The following TECR variants were observed in gnomAD, a reference collection of about 807,000 sequenced individuals.
TECR encodes trans-2,3-enoyl-CoA reductase.
TECR carries 19 observed loss-of-function variants against 50.6 expected under a neutral mutation model. The observed-to-expected ratio is 0.38, with a 90% CI of 0.26 to 0.55. The LOEUF (loss-of-function observed/expected upper bound fraction) is 0.55, where lower values mean the gene tolerates loss of function less well. TECR is among the 20% of genes least tolerant of loss of function. The pLI, the probability that TECR is intolerant of heterozygous loss-of-function variation, is 0.79. For synonymous variants in TECR, 168 were observed against 163.5 expected, an observed-to-expected ratio of 1.03 and a Z score of -0.21; for missense variants, 313 against 408.3, an observed-to-expected ratio of 0.77 and a Z score of 2.01.
chr19:14,555,287 G>A (rs1174268613), intron 1 of TECR, among the ~76,000 whole-genome samples: 2 of 148,904 alleles, frequency 1.3e-5, no homozygotes, highest in East Asian at 4.1e-4. Context: ...CTTGCTCTGT[G>A]GCCCAGGCTG....
chr19:14,535,077 G>C lies in TECR; in HGVS notation c.15+5366G>C, dbSNP rs552227271. Among the ~76,000 whole-genome samples, 3 of 152,232 alleles carry C rather than the reference G, an allele frequency of 2.0e-5. No individual in the cohort carries two copies. The South Asian group carries it at 6.2e-4, about 32-fold the overall frequency. Reference sequence around the variant, plus strand: ...CCCCTTGCAGTAAGGGCAGGATTGAGAGTGATGAGCCTTGCCTGGGTGCAG... The same window carrying C: ...CCCCTTGCAGTAAGGGCAGGATTGACAGTGATGAGCCTTGCCTGGGTGCAG... On this transcript the variant is annotated intron_variant, in intron 1 of 12. Transcript: ENST00000215567.
chr19:14,563,981 G>C lies in TECR; in HGVS notation c.268-1G>C. ...CTCATCTTGCCCCCCTCTACTCTCA[G>C]GTCTTCCTAACAGAGTACGCGGGGC... is the stretch of plus-strand genomic sequence containing the variant. On this transcript the variant is annotated splice_acceptor_variant, in intron 5 of 12. Coordinates refer to ENST00000215567, the MANE Select transcript of TECR (RefSeq NM_138501.6). LOFTEE classifies it high-confidence loss of function. This position sits in a 1 kb window ranked among gnomAD's most constrained non-coding sequence, Gnocchi z 5.3. 1 of 1,614,008 alleles carries C rather than the reference G, an allele frequency of 6.2e-7. No homozygotes were observed. Among genetic ancestry groups the C allele is most frequent in the South Asian group, 1.1e-5 (1 of 91,086 alleles).
rs959803672 is a variant in TECR at position 14,565,776 on chromosome 19, A to G, written c.832A>G (p.Met278Val). Residue 278 changes from methionine to valine, a missense_variant, in exon 13 of 13, where the codon ATG becomes GTG. Met to Val is a conservative substitution (Grantham distance 21, BLOSUM62 1). Transcript: ENST00000215567. ...ALFSLVGFTQ[M>V]TIWAKGKHRS... ...GTTCTCCCTGGTGGGCTTCACCCAG[A>G]TGACCATCTGGGCCAAGGGCAAGCA... 3 of 1,610,938 alleles carry G rather than the reference A, an allele frequency of 1.9e-6. No individual in the cohort carries two copies. Among genetic ancestry groups the G allele is most frequent in the Non-Finnish European group, 2.5e-6 (3 of 1,179,272 alleles).
chr19:14,543,425 T>A (rs1269342428), intron 1 of TECR, among the ~76,000 whole-genome samples: 442 of 7,878 alleles, frequency 0.056, 8 homozygotes, highest in Non-Finnish European at 0.068. Flanking sequence ...ATATATTTTT[T>A]TTTTTTTTTT....
intron 1 of TECR, among the ~76,000 whole-genome samples, chr19:14,533,493 C>T (rs911500329): frequency 1.3e-5 from 2 of 152,056 alleles, no homozygotes; most frequent in East Asian, 3.9e-4. Flanking sequence ...AGTCTGTTGT[C>T]CACTGAAAGG....
chr19:14,540,174 C>T (rs1018859583), intron 1 of TECR, among the ~76,000 whole-genome samples: 1 of 152,068 alleles, frequency 6.6e-6, no homozygotes, highest in Non-Finnish European at 1.5e-5. Context: ...ATTCTCCTGC[C>T]TCAGCCTCCC....
chr19:14,561,046 G>C (rs1320925456), intron 1 of TECR, among the ~76,000 whole-genome samples: 3 of 152,168 alleles, frequency 2.0e-5, no homozygotes, highest in Admixed American at 1.3e-4. Context: ...CGGTTCCCGA[G>C]TGCAGGCCAC....
chr19:14,541,372 C>T (rs1421658961), intron 1 of TECR, among the ~76,000 whole-genome samples: 5 of 152,126 alleles, frequency 3.3e-5, no homozygotes, highest in Non-Finnish European at 1.5e-5. Context: ...CCTGGCACAG[C>T]GGCCCTTCTG....
intron 1 of TECR, among the ~76,000 whole-genome samples, chr19:14,560,115 C>G (rs544541779): frequency 6.6e-6 from 1 of 152,316 alleles, no homozygotes; most frequent in South Asian, 2.1e-4. Context: ...TGGCCCCTCT[C>G]TCGCTACCCC....
At chr19:14,528,638 C>T (rs534641155), upstream of TECR, among the ~76,000 whole-genome samples, 415 of 152,046 alleles carry the variant, frequency 2.7e-3, 2 homozygotes, top group African/African-American at 8.2e-3. Flanking sequence ...GTCCATAGGG[C>T]GGAGCAAAGT....
chr19:14,542,759 C>T (rs149912708), intron 1 of TECR, among the ~76,000 whole-genome samples: 31 of 152,150 alleles, frequency 2.0e-4, no homozygotes, highest in Non-Finnish European at 3.5e-4. Flanking sequence ...AGCAGAGCGA[C>T]TCACCCCAGT....
intron 1 of TECR, among the ~76,000 whole-genome samples, chr19:14,544,215 C>T (rs1166596511): frequency 6.6e-6 from 1 of 151,806 alleles, no homozygotes; most frequent in Non-Finnish European, 1.5e-5. Flanking sequence ...CTCACCCAGG[C>T]CACACTCATC....
At chr19:14,533,420 CA>C (rs111743388) in intron 1 of TECR, among the ~76,000 whole-genome samples, 29 of 141,940 alleles carry the variant, frequency 2.0e-4, no homozygotes, top group Non-Finnish European at 2.5e-4. Flanking sequence ...GACTCTGTCT[CA>C]AAAAAAAAAA....
intron 1 of TECR, among the ~76,000 whole-genome samples, chr19:14,555,352 G>A (rs1403168977): frequency 6.6e-6 from 1 of 150,912 alleles, no homozygotes; most frequent in African/African-American, 2.4e-5. Context: ...GGGTTCAAGC[G>A]ATTCTCCTGC....
chr19:14,542,608 C>T (rs562728163), intron 1 of TECR, among the ~76,000 whole-genome samples: 1 of 152,044 alleles, frequency 6.6e-6, no homozygotes, highest in Non-Finnish European at 1.5e-5. Flanking sequence ...GTGATCTACA[C>T]GCTTTGGCCT....
At chr19:14,554,867 C>A (rs1178824212) in intron 1 of TECR, among the ~76,000 whole-genome samples, 2 of 152,070 alleles carry the variant, frequency 1.3e-5, no homozygotes, top group Non-Finnish European at 2.9e-5. Context: ...CAACCTCCGC[C>A]TCCTGGGTTC....
At position 14,529,986 on chromosome 19, in the gene TECR, T is replaced by C. The variant is rs376502401; in HGVS notation, c.15+275T>C. The C allele has an allele frequency of 3.9e-3, 2,151 of 552,510 alleles. 38 individuals are homozygous for C. The highest frequency in any genetic ancestry group is 0.028 in the South Asian group (1,371 of 48,566). 34.2% of individuals were successfully genotyped at this position (552,510 alleles called of 1,614,324 possible). A position where few individuals can be genotyped will look rare whatever the true frequency, so the allele number is the denominator to read the frequency against. ...GGGACGCTTGCAGGTTCCTTGCAGCTCCCCCAGCGGGCTGAGTTGCAGACT... is the reference window on the plus strand; with the variant it reads ...GGGACGCTTGCAGGTTCCTTGCAGCCCCCCCAGCGGGCTGAGTTGCAGACT... On this transcript the variant is annotated intron_variant, in intron 1 of 12. Coordinates refer to ENST00000215567, the MANE Select transcript of TECR (RefSeq NM_138501.6).
At chr19:14,532,981 G>A (rs997614956) in intron 1 of TECR, among the ~76,000 whole-genome samples, 2 of 151,824 alleles carry the variant, frequency 1.3e-5, no homozygotes, top group Non-Finnish European at 2.9e-5. Flanking sequence ...ATGGTGGCAC[G>A]TGCTTGTAGT....
Position 14,565,907 on chromosome 19 carries a change from G to C in TECR, c.*36G>C. Reference sequence around the variant, plus strand: ...CTGCTGAGGCTCAGCCCCTCAACCCGGTGGCATTCTGGGGGAGGAGTGGGG... The same window carrying C: ...CTGCTGAGGCTCAGCCCCTCAACCCCGTGGCATTCTGGGGGAGGAGTGGGG... On this transcript the variant is annotated 3_prime_UTR_variant, in exon 13 of 13. Coordinates refer to ENST00000215567, the MANE Select transcript of TECR (RefSeq NM_138501.6). The C allele has an allele frequency of 6.4e-7, 1 of 1,553,952 alleles. No homozygotes were observed.
Sources: gnomAD v4.1 joint callset for allele counts (sites outside exome capture counted in the v4.1 genomes callset) on GRCh38, gnomAD v4.1.1 for gene constraint, Gnocchi (gnomAD v3.1) non-coding constraint, MANE v1.5 for transcripts, NCBI Gene and HGNC (gene_info 2026-07-23, HGNC 2026-07-21) for gene names.